SFPQ: variants seen among roughly 807,000 people sequenced by gnomAD.
SFPQ encodes splicing factor, proline- and glutamine-rich.
SFPQ carries 11 observed loss-of-function variants against 72.9 expected under a neutral mutation model. The ratio of observed to expected loss-of-function variants is 0.15; its 90% confidence interval spans 0.09 to 0.25. The LOEUF is 0.25. Ranked by LOEUF, SFPQ falls within the 10% of genes least tolerant of loss-of-function variation. The probability of loss-of-function intolerance (pLI) is 1.00; values close to 1 mark genes in which losing one functional copy is unlikely to be tolerated. For synonymous variants in SFPQ, 506 were observed against 367.3 expected, an observed-to-expected ratio of 1.38 and a Z score of -4.32; for missense variants, 847 against 993.3, an observed-to-expected ratio of 0.85 and a Z score of 1.98.
At chr1:35,178,535 T>C (rs972196943), downstream of SFPQ, 57 of 1,061,178 alleles carry the variant, frequency 5.4e-5, no homozygotes, top group Non-Finnish European at 6.3e-5. Context: ...GTTGTTGTCC[T>C]GCAATCCTTT....
At chr1:35,191,913 C>T (rs1640019803) in intron 1 of SFPQ, among the ~76,000 whole-genome samples, 1 of 152,254 alleles carries the variant, frequency 6.6e-6, no homozygotes, top group East Asian at 1.9e-4. Context: ...CTCTCCAAAC[C>T]TACGCCGCAT....
chr1:35,192,132 A>T, intron 1 of SFPQ, 90 bp downstream of exon 1: 1 of 1,116,470 alleles, frequency 9.0e-7, no homozygotes, highest in Non-Finnish European at 1.1e-6. Flanking sequence ...CCGGCAGCCG[A>T]CAAAATGGAA....
chr1:35,188,168 G>A (rs1173682693), intron 6 of SFPQ, 78 bp from the exon 7 acceptor site: 3 of 1,103,604 alleles, frequency 2.7e-6, no homozygotes, highest in African/African-American at 3.1e-5. Context: ...CCTAGCAGTT[G>A]ACCTAAGAAC....
chr1:35,192,054 C>T (rs1362156366), intron 1 of SFPQ, among the ~76,000 whole-genome samples, 168 bp downstream of exon 1: 3 of 151,876 alleles, frequency 2.0e-5, no homozygotes, highest in African/African-American at 7.2e-5. Flanking sequence ...CGGCGGCGGC[C>T]AATCCCCCGC....
At chr1:35,180,350 A>G (rs931706821), downstream of SFPQ, 21 of 1,043,580 alleles carry the variant, frequency 2.0e-5, no homozygotes, top group Non-Finnish European at 2.4e-5. Context: ...ATTTTGGACT[A>G]TAACATCACA....
At chr1:35,186,854 A>G (rs1329012763) in intron 9 of SFPQ, 147 bp downstream of exon 9, 18 of 742,916 alleles carry the variant, frequency 2.4e-5, no homozygotes, top group Non-Finnish European at 3.7e-5. Flanking sequence ...AGTATTCCTC[A>G]ATATTACATA....
Position 35,192,510 on chromosome 1 carries a change from C to T in SFPQ, c.540G>A (p.Gln180=), listed in dbSNP as rs1640074811. The part of the protein sequence containing the change: ...PSSGVPTTPP[Q]AGGPPPPPAA... ...CGGGCGGAGGCGGCGGGCCTCCGGC[C>T]TGAGGAGGTGTGGTAGGGACCCCGC... Residue 180 remains glutamine (Q), a synonymous_variant, in exon 1 of 10, where the codon CAG becomes CAA. Transcript: ENST00000357214. 1 of 1,329,446 alleles carries T rather than the reference C, an allele frequency of 7.5e-7. No individual in the cohort carries two copies. The highest frequency in any genetic ancestry group is 9.6e-7 in the Non-Finnish European group (1 of 1,047,052). 82.4% of individuals were successfully genotyped at this position (1,329,446 alleles called of 1,614,324 possible). A position where few individuals can be genotyped will look rare whatever the true frequency, so the allele number is the denominator to read the frequency against.
At chr1:35,187,733 AAAAAAAACCAAACAAAC>A (rs1639790211) in intron 7 of SFPQ, among the ~76,000 whole-genome samples, 1 of 152,114 alleles carries the variant, frequency 6.6e-6, no homozygotes, top group African/African-American at 2.4e-5. Context: ...CTCTCTCCAA[AAAAAAAACCAAACAAAC>A]AAAAAAACAA....
downstream of SFPQ, chr1:35,180,526 T>C: frequency 9.5e-7 from 1 of 1,049,144 alleles, no homozygotes; most frequent in Non-Finnish European, 1.2e-6. Flanking sequence ...TATAGACACA[T>C]TTAGACAAGT....
downstream of SFPQ, chr1:35,178,423 T>TC: frequency 9.4e-7 from 1 of 1,064,146 alleles, no homozygotes; most frequent in Non-Finnish European, 1.1e-6. Flanking sequence ...CATACCCTGC[T>TC]CCCCATTCAA....
intron 9 of SFPQ, among the ~76,000 whole-genome samples, chr1:35,186,494 C>A (rs1639720832): frequency 6.6e-6 from 1 of 152,150 alleles, no homozygotes; most frequent in Non-Finnish European, 1.5e-5. Flanking sequence ...AACGACGAGT[C>A]AAAACACTCA....
intron 1 of SFPQ, 34 bp downstream of exon 1, chr1:35,192,188 G>C: frequency 1.5e-6 from 2 of 1,371,076 alleles, no homozygotes; most frequent in Non-Finnish European, 1.9e-6. Flanking sequence ...CGCCATCTTA[G>C]GGGAGCCGAC....
Position 35,192,607 on chromosome 1 carries a change from C to T in SFPQ, c.443G>A (p.Gly148Asp), listed in dbSNP as rs760768830. ...TSGAPPGSGP[G>D]PTPTPPPAVT... ...TGCAGGCGGCGGGGTCGGAGTCGGG[C>T]CTGGCCCGGACCCTGGCGGGGCCCC... Residue 148 changes from glycine (G) to aspartate (D), a missense_variant, in exon 1 of 10, where the codon GGC becomes GAC. By Grantham distance (94) the Gly-to-Asp change is moderately conservative. This residue lies in a region of SFPQ where 498 missense variants were observed against 405.1 expected (regional missense o/e 1.23). Coordinates refer to ENST00000357214, the MANE Select transcript of SFPQ (RefSeq NM_005066.3). 1.5e-6 allele frequency: 2 copies of T among 1,358,614 alleles called. No individual in the cohort carries two copies. The highest frequency in any genetic ancestry group is 1.9e-6 in the Non-Finnish European group (2 of 1,063,720). The allele number at this position is 1,358,614 out of a possible 1,614,324, so 84.2% of individuals were successfully genotyped here. A position where few individuals can be genotyped will look rare whatever the true frequency, so the allele number is the denominator to read the frequency against.
chr1:35,183,958 A>C lies in SFPQ; in HGVS notation c.*498T>G, dbSNP rs868838925. 9 of 1,051,656 alleles carry C rather than the reference A, an allele frequency of 8.6e-6. No individual in the cohort carries two copies. The Middle Eastern group carries it at 1.7e-3, about 202-fold the overall frequency. The allele number at this position is 1,051,656 out of a possible 1,614,324, so 65.1% of individuals were successfully genotyped here. A position where few individuals can be genotyped will look rare whatever the true frequency, so the allele number is the denominator to read the frequency against. The stretch of plus-strand genomic sequence containing the variant: ...TTCAATATGCATTTCTTCTTTTTAA[A>C]ACAAAGGGGGCAATTATTTGTAGAA... On this transcript the variant is annotated 3_prime_UTR_variant, in exon 10 of 10. Coordinates refer to ENST00000357214, the MANE Select transcript of SFPQ (RefSeq NM_005066.3).
intron 9 of SFPQ, among the ~76,000 whole-genome samples, chr1:35,186,147 T>C (rs1639701761): frequency 6.6e-6 from 1 of 152,220 alleles, no homozygotes; most frequent in Non-Finnish European, 1.5e-5. Flanking sequence ...AAAATGAATC[T>C]TATGAGCTAC....
chr1:35,189,440 T>C, intron 4 of SFPQ, 58 bp from the exon 5 acceptor site: 1 of 1,367,020 alleles, frequency 7.3e-7, no homozygotes, highest in Admixed American at 1.9e-5. Context: ...CAGAAAATAC[T>C]TGCCCTAGTA....
At position 35,189,065 on chromosome 1, in the gene SFPQ, T is replaced by C; in HGVS notation, c.1635A>G (p.Glu545=). Reference sequence around the variant, plus strand: ...TGTGAAGTTCTTCCATGCGTCTTAATTCTTCCTGTCGTCTCATCAGATCTG... The same window carrying C: ...TGTGAAGTTCTTCCATGCGTCTTAACTCTTCCTGTCGTCTCATCAGATCTG... ...LRQDLMRRQE[E]LRRMEELHNQ... Residue 545 remains glutamate (E), a synonymous_variant, in exon 6 of 10, where the codon GAA becomes GAG. Transcript: ENST00000357214. 6.2e-7 allele frequency: 1 copy of C among 1,613,252 alleles called. No individual in the cohort carries two copies. The highest frequency in any genetic ancestry group is 1.1e-5 in the South Asian group (1 of 91,028).
Position 35,183,588 on chromosome 1 carries a change from A to G in SFPQ, c.*868T>C. The G allele has an allele frequency of 9.8e-7, 1 of 1,023,184 alleles. No individual in the cohort carries two copies. Among genetic ancestry groups the G allele is most frequent in the Non-Finnish European group, 1.2e-6 (1 of 852,154 alleles). The allele number at this position is 1,023,184 out of a possible 1,614,324, so 63.4% of individuals were successfully genotyped here. On this transcript the variant is annotated 3_prime_UTR_variant, in exon 10 of 10. Coordinates refer to ENST00000357214, the MANE Select transcript of SFPQ (RefSeq NM_005066.3). ...CCCCATCTTTATAAATCACTTGAAT[A>G]CATGAAAAGACTTCATGTTTAACAT...
downstream of SFPQ, chr1:35,179,101 AAAC>A: frequency 9.5e-7 from 1 of 1,057,592 alleles, no homozygotes; most frequent in Non-Finnish European, 1.1e-6. Context: ...GACATCACTA[AAAC>A]ATTATCAGCT....
Sources: gnomAD v4.1 joint callset for allele counts (sites outside exome capture counted in the v4.1 genomes callset) on GRCh38, gnomAD v4.1.1 for gene constraint, gnomAD v4.1.1 regional missense constraint, MANE v1.5 for transcripts, NCBI Gene and HGNC (gene_info 2026-07-23, HGNC 2026-07-21) for gene names.